ENTREP2: variants seen among roughly 807,000 people sequenced by gnomAD.
ENTREP2 encodes the protein endosomal transmembrane epsin interactor 2.
At chr15:29,167,964 T>C in the ENTREP2 span, among the ~76,000 whole-genome samples, 1 of 152,132 alleles carries the variant, frequency 6.6e-6, no homozygotes, top group East Asian at 1.9e-4. Flanking sequence ...AACGGTGGTA[T>C]ATATATATGA....
At chr15:29,474,835 G>A in the ENTREP2 span, among the ~76,000 whole-genome samples, 1 of 152,098 alleles carries the variant, frequency 6.6e-6, no homozygotes, top group Non-Finnish European at 1.5e-5. Context: ...GGGATTACAG[G>A]CGTGAGCCAC....
the ENTREP2 span, among the ~76,000 whole-genome samples, chr15:29,345,067 T>C: frequency 2.0e-5 from 3 of 151,720 alleles, no homozygotes; most frequent in East Asian, 1.9e-4. Flanking sequence ...AACAATATAA[T>C]CCCACCATAA....
chr15:29,265,921 A>G, the ENTREP2 span: 1 of 152,262 alleles, frequency 6.6e-6, no homozygotes, highest in African/African-American at 2.4e-5. Context: ...GGCAGAAAAC[A>G]TATTTACAAT....
At chr15:29,482,545 C>T in the ENTREP2 span, among the ~76,000 whole-genome samples, 2 of 152,198 alleles carry the variant, frequency 1.3e-5, no homozygotes, top group Non-Finnish European at 2.9e-5. Flanking sequence ...TTTACTGTCT[C>T]CACAGTCTTG....
chr15:29,548,802 A>G, the ENTREP2 span, among the ~76,000 whole-genome samples: 2 of 152,178 alleles, frequency 1.3e-5, no homozygotes, highest in Non-Finnish European at 2.9e-5. Context: ...TTGTTATATT[A>G]TCCTCTATAC....
chr15:29,383,285 A>G, the ENTREP2 span, among the ~76,000 whole-genome samples: 1 of 152,132 alleles, frequency 6.6e-6, no homozygotes, highest in South Asian at 2.1e-4. Flanking sequence ...ATGCAGCTGC[A>G]GCCTCCACCT....
At chr15:29,652,842 G>A in the ENTREP2 span, among the ~76,000 whole-genome samples, 8 of 152,200 alleles carry the variant, frequency 5.3e-5, no homozygotes, top group South Asian at 2.1e-4. Flanking sequence ...CTTGGCAGCC[G>A]TGGATCCAGG....
the ENTREP2 span, among the ~76,000 whole-genome samples, chr15:29,644,417 A>C: frequency 1.3e-5 from 2 of 152,244 alleles, no homozygotes; most frequent in South Asian, 4.1e-4. Flanking sequence ...CCAGTATATA[A>C]ATGATATCTC....
At chr15:29,333,037 A>G in the ENTREP2 span, among the ~76,000 whole-genome samples, 1 of 151,930 alleles carries the variant, frequency 6.6e-6, no homozygotes, top group African/African-American at 2.4e-5. Flanking sequence ...ATTAGAGCAC[A>G]TGGGGCTAGA....
chr15:29,151,396 C>T, the ENTREP2 span, among the ~76,000 whole-genome samples: 2 of 152,170 alleles, frequency 1.3e-5, no homozygotes, highest in Admixed American at 6.5e-5. Context: ...TTCTGAAGCC[C>T]GAGGAAGGCA....
chr15:29,311,394 A>G, the ENTREP2 span, among the ~76,000 whole-genome samples: 1 of 152,114 alleles, frequency 6.6e-6, no homozygotes, highest in African/African-American at 2.4e-5. Context: ...TTTTATTTTT[A>G]AAAGTATAAT....
At chr15:29,615,967 G>A in the ENTREP2 span, among the ~76,000 whole-genome samples, 1 of 152,182 alleles carries the variant, frequency 6.6e-6, no homozygotes, top group Non-Finnish European at 1.5e-5. Flanking sequence ...ACATGCCATG[G>A]CACCAGAGGA....
At chr15:29,519,157 TCTCA>T in the ENTREP2 span, among the ~76,000 whole-genome samples, 130 of 147,332 alleles carry the variant, frequency 8.8e-4, 1 homozygote, top group African/African-American at 3.1e-3. Flanking sequence ...TCTCTCTCTC[TCTCA>T]CACACACACA....
At chr15:29,207,648 T>C in the ENTREP2 span, among the ~76,000 whole-genome samples, 2 of 152,166 alleles carry the variant, frequency 1.3e-5, no homozygotes, top group African/African-American at 2.4e-5. Context: ...AACCTAGCTA[T>C]AGGGTGCTGA....
At chr15:29,451,947 C>A in the ENTREP2 span, among the ~76,000 whole-genome samples, 1 of 152,232 alleles carries the variant, frequency 6.6e-6, no homozygotes, top group Admixed American at 6.5e-5. Flanking sequence ...CTACAGTTCG[C>A]TTTTCAGTTA....
the ENTREP2 span, among the ~76,000 whole-genome samples, chr15:29,345,402 TG>T: frequency 2.6e-5 from 4 of 151,938 alleles, no homozygotes; most frequent in Admixed American, 2.0e-4. Context: ...AGCACAGCCC[TG>T]GGGTGGGGTA....
At chr15:29,627,002 C>G in the ENTREP2 span, among the ~76,000 whole-genome samples, 1 of 152,206 alleles carries the variant, frequency 6.6e-6, no homozygotes, top group East Asian at 1.9e-4. Context: ...CTGCTCTTCT[C>G]TTTGTTATTT....
At chr15:29,444,504 T>A in the ENTREP2 span, among the ~76,000 whole-genome samples, 1 of 150,994 alleles carries the variant, frequency 6.6e-6, no homozygotes, top group African/African-American at 2.4e-5. Flanking sequence ...TTCTTTTCTG[T>A]CACCCAAGCT....
the ENTREP2 span, among the ~76,000 whole-genome samples, chr15:29,464,402 T>C: frequency 6.6e-6 from 1 of 152,210 alleles, no homozygotes; most frequent in Non-Finnish European, 1.5e-5. Context: ...GACTCTGTTA[T>C]ATACTAGACA....
Sources: allele counts gnomAD v4.1 joint callset (sites outside exome capture counted in the v4.1 genomes callset), GRCh38; gene constraint gnomAD v4.1.1; transcripts MANE v1.5; gene names NCBI Gene and HGNC (gene_info 2026-07-23, HGNC 2026-07-21).